RPS6KA2: variants seen among roughly 807,000 people sequenced by gnomAD.
The protein encoded by RPS6KA2 is ribosomal protein S6 kinase alpha-2.
Under a neutral mutation model 91.8 loss-of-function variants are expected in RPS6KA2, and 42 were observed. That is an observed-to-expected ratio of 0.46 (90% CI 0.36 to 0.59). The LOEUF is 0.59. Ranked by LOEUF, RPS6KA2 falls within the 20% of genes least tolerant of loss-of-function variation. The pLI, the probability that RPS6KA2 is intolerant of heterozygous loss-of-function variation, is 0.00. For missense variants in RPS6KA2, 798 were observed against 978.5 expected, an observed-to-expected ratio of 0.82 and a Z score of 2.46; for synonymous variants, 414 against 393.6, an observed-to-expected ratio of 1.05 and a Z score of -0.61.
At chr6:166,677,362 GT>G (rs199505387) in intron 2 of RPS6KA2, among the ~76,000 whole-genome samples, 2,802 of 141,222 alleles carry the variant, frequency 0.02, 56 homozygotes, top group African/African-American at 0.056. Context: ...GTTCATATCA[GT>G]TTTTTTTTTT....
intron 1 of RPS6KA2, among the ~76,000 whole-genome samples, chr6:166,589,278 T>C (rs1415891571): frequency 6.6e-6 from 1 of 152,168 alleles, no homozygotes; most frequent in African/African-American, 2.4e-5. Context: ...CACGGTGCAT[T>C]CCAGGGCCCC....
rs1434166828 is a variant in RPS6KA2, at chr6:166,586,024, G to A, written c.99+40897C>T. Reference sequence around the variant, plus strand: ...TTCCAAAAAATCAATAATCCATTCTGTAAAATCAGATGTAAAACTATGACC... The same window carrying A: ...TTCCAAAAAATCAATAATCCATTCTATAAAATCAGATGTAAAACTATGACC... On this transcript the variant is annotated intron_variant, in intron 1 of 20. Transcript: ENST00000265678. The A allele has an allele frequency of 5.0e-6, 3 of 606,058 alleles. No homozygotes were observed. The East Asian group carries it at 8.8e-5, about 18-fold the overall frequency. 37.5% of individuals were successfully genotyped at this position (606,058 alleles called of 1,614,324 possible). A position where few individuals can be genotyped will look rare whatever the true frequency, so the allele number is the denominator to read the frequency against.
At position 166,498,589 on chromosome 6, in the gene RPS6KA2, C is replaced by T. The variant is rs111715918; in HGVS notation, c.666G>A (p.Thr222=). ...HDKRAYSFCG[T]IEYMAPEVVN... ...CCACCTCGGGCGCCATGTACTCGAT[C>T]GTCCCGCAGAAGGAGTACGCTCTCT... Residue 222 remains threonine, a synonymous_variant, in exon 8 of 21, where the codon ACG becomes ACA. Transcript: ENST00000265678. 10 of 1,613,872 alleles carry T rather than the reference C, an allele frequency of 6.2e-6. No individual in the cohort carries two copies. The highest frequency in any genetic ancestry group is 4.0e-5 in the African/African-American group (3 of 75,016).
At chr6:166,680,066 T>C (rs1023298896) in intron 2 of RPS6KA2, among the ~76,000 whole-genome samples, 7 of 152,198 alleles carry the variant, frequency 4.6e-5, no homozygotes, top group African/African-American at 1.7e-4. Context: ...TAAAGGTTTG[T>C]AAACGCACCA....
chr6:166,743,592 C>A (rs770772447), intron 2 of RPS6KA2, among the ~76,000 whole-genome samples: 1 of 152,226 alleles, frequency 6.6e-6, no homozygotes, highest in Non-Finnish European at 1.5e-5. Flanking sequence ...CCTCTCCACA[C>A]CCCGGGGAGC....
chr6:166,758,352 A>C (rs1052484852), intron 2 of RPS6KA2, among the ~76,000 whole-genome samples: 1 of 152,202 alleles, frequency 6.6e-6, no homozygotes, highest in Admixed American at 6.5e-5. Flanking sequence ...GCTAACTCGG[A>C]ATATGTCCTC....
intron 2 of RPS6KA2, among the ~76,000 whole-genome samples, chr6:166,739,876 G>A (rs116158071): frequency 4.9e-4 from 74 of 152,322 alleles, no homozygotes; most frequent in African/African-American, 1.4e-3. Context: ...ACCCCTTTCC[G>A]TAACACAGCC....
intron 2 of RPS6KA2, among the ~76,000 whole-genome samples, chr6:166,716,035 CAAAAAA>C (rs141709524): frequency 6.7e-5 from 6 of 89,774 alleles, no homozygotes; most frequent in Non-Finnish European, 1.2e-4. Flanking sequence ...GAGACTCCAT[CAAAAAA>C]AAAAAAAAAA....
chr6:166,541,556 G>A (rs1182153097), intron 1 of RPS6KA2, among the ~76,000 whole-genome samples: 2 of 152,146 alleles, frequency 1.3e-5, no homozygotes, highest in East Asian at 1.9e-4. Context: ...GGCCATGGAC[G>A]CTGGCACCTC....
rs1217622325 is a variant in RPS6KA2, at chr6:166,852,721, G to A, written c.123+5479C>T. Among the ~76,000 whole-genome samples, 1 of 152,134 alleles carries A rather than the reference G, an allele frequency of 6.6e-6. No individual in the cohort carries two copies. On this transcript the variant is annotated intron_variant, in intron 2 of 21. Transcript: ENST00000503859. The surrounding 1 kb of genome is among the most constrained non-coding windows in gnomAD (Gnocchi z 4.1). ...GGAGGCCACGCTGACACGCTCAGGA[G>A]CTCATCCCTGAGCGCCCACAGGCCC...
intron 1 of RPS6KA2, among the ~76,000 whole-genome samples, chr6:166,553,493 G>A (rs1784082159): frequency 6.7e-6 from 1 of 148,386 alleles, no homozygotes; most frequent in South Asian, 2.2e-4. Context: ...GAAAATGCTT[G>A]GGAAAGAAAC....
intron 3 of RPS6KA2, among the ~76,000 whole-genome samples, chr6:166,528,641 A>C (rs2128490790): frequency 6.6e-6 from 1 of 151,910 alleles, no homozygotes; most frequent in Middle Eastern, 3.4e-3. Flanking sequence ...CAACCTACAG[A>C]ATGGGAGAAA....
intron 1 of RPS6KA2, among the ~76,000 whole-genome samples, chr6:166,604,396 A>G (rs1785864098): frequency 6.6e-6 from 1 of 152,204 alleles, no homozygotes; most frequent in African/African-American, 2.4e-5. Context: ...AAAACTGAAA[A>G]AAAAAAAATT....
In RPS6KA2 at chr6:166,433,841, A is replaced by G. The variant is rs372514604; in HGVS notation, c.1333-1351T>C. 2.0e-5 allele frequency among the ~76,000 whole-genome samples: 3 copies of G among 152,136 alleles called. No individual in the cohort carries two copies. Among genetic ancestry groups the G allele is most frequent in the Admixed American group, 2.0e-4 (3 of 15,284 alleles). ...ACAAGCATAGTTCACTGCAACATCA[A>G]ACCCCTGGGCTCAAGTGATCCTCCT... On this transcript the variant is annotated intron_variant, in intron 14 of 20. Transcript: ENST00000265678. This position sits in a 1 kb window ranked among gnomAD's most constrained non-coding sequence, Gnocchi z 4.4.
intron 2 of RPS6KA2, among the ~76,000 whole-genome samples, chr6:166,845,788 G>T (rs1434576606): frequency 6.6e-6 from 1 of 151,818 alleles, no homozygotes; most frequent in Admixed American, 6.6e-5. Context: ...ACAATCTAAG[G>T]TCACACCTCA....
chr6:166,717,148 G>T (rs982873208), intron 2 of RPS6KA2, among the ~76,000 whole-genome samples: 4 of 152,188 alleles, frequency 2.6e-5, no homozygotes, highest in Non-Finnish European at 5.9e-5. Context: ...TGTGTCTGTG[G>T]GCAACTAGCA....
At chr6:166,527,467 G>C (rs1325496448) in intron 3 of RPS6KA2, among the ~76,000 whole-genome samples, 5 of 152,166 alleles carry the variant, frequency 3.3e-5, no homozygotes, top group Admixed American at 2.6e-4. Flanking sequence ...CTGTGTTTGA[G>C]AGCAAATCTC....
At chr6:166,748,125 C>G (rs912938918) in intron 2 of RPS6KA2, among the ~76,000 whole-genome samples, 2 of 152,170 alleles carry the variant, frequency 1.3e-5, no homozygotes. Flanking sequence ...TGTATAGACT[C>G]TGTAACTTTA....
chr6:166,482,512 T>C (rs979684513), intron 10 of RPS6KA2, among the ~76,000 whole-genome samples: 7 of 152,066 alleles, frequency 4.6e-5, no homozygotes, highest in Non-Finnish European at 2.9e-5. Flanking sequence ...AGGAAAGAAA[T>C]AGTTTTCTAA....
Sources: allele counts gnomAD v4.1 joint callset (sites outside exome capture counted in the v4.1 genomes callset), GRCh38; gene constraint gnomAD v4.1.1; non-coding constraint Gnocchi (gnomAD v3.1); transcripts MANE v1.5; gene names NCBI Gene and HGNC (gene_info 2026-07-23, HGNC 2026-07-21).